The following ARHGAP44 variants were observed in gnomAD, a reference collection of about 807,000 sequenced individuals.
ARHGAP44 encodes the protein Rho GTPase activating protein 44.
ARHGAP44 carries 43 observed loss-of-function variants against 106.8 expected under a neutral mutation model. The observed-to-expected ratio is 0.40, with a 90% confidence interval of 0.32 to 0.52. The LOEUF is 0.52. Ranked by LOEUF, ARHGAP44 falls within the 20% of genes least tolerant of loss-of-function variation. ARHGAP44 has a pLI of 0.48. For missense variants in ARHGAP44, 866 were observed against 1,050.5 expected, an observed-to-expected ratio of 0.82 and a Z score of 2.43; for synonymous variants, 439 against 410.3, an observed-to-expected ratio of 1.07 and a Z score of -0.85.
Position 12,984,785 on chromosome 17 carries a change from C to A in ARHGAP44, c.2194C>A (p.Pro732Thr). 6.2e-7 allele frequency: 1 copy of A among 1,613,994 alleles called. No homozygotes were observed. Residue 732 changes from proline (P) to threonine (T), a missense_variant, in exon 20 of 21, where the codon CCG (proline) becomes ACG (threonine). Physicochemically the swap from Pro to Thr is conservative, Grantham distance 38. Around this residue, in one of 2 missense-constraint regions of ARHGAP44, gnomAD observed 418 missense variants for 403.6 expected, o/e 1.04. Coordinates refer to ENST00000379672, the MANE Select transcript of ARHGAP44 (RefSeq NM_014859.6). ...GAGCAAATCGCGGCCCACTCCTAAG[C>A]CGCGACAGAGACCTACTCTGCCGCC... ...TLSKSRPTPK[P>T]RQRPTLPPPQ...
intron 1 of ARHGAP44, among the ~76,000 whole-genome samples, chr17:12,798,772 C>T (rs2034000893): frequency 6.6e-6 from 1 of 152,074 alleles, no homozygotes; most frequent in East Asian, 1.9e-4. Context: ...CTTTTTGTTC[C>T]TATAGAATGG....
At chr17:12,975,655 G>A (rs2039658612) in intron 18 of ARHGAP44, among the ~76,000 whole-genome samples, 3 of 151,818 alleles carry the variant, frequency 2.0e-5, no homozygotes, top group Admixed American at 6.6e-5. Flanking sequence ...AAAATTAGCT[G>A]GGCGTGGTGG....
chr17:12,923,205 ATTGT>A (rs1466872086), intron 6 of ARHGAP44, among the ~76,000 whole-genome samples: 1 of 151,084 alleles, frequency 6.6e-6, no homozygotes, highest in African/African-American at 2.4e-5. Flanking sequence ...GCTTTGGGGG[ATTGT>A]TTGTTTTTTC....
intron 1 of ARHGAP44, among the ~76,000 whole-genome samples, chr17:12,834,621 T>A (rs1471176092): frequency 6.6e-6 from 1 of 152,202 alleles, no homozygotes; most frequent in Non-Finnish European, 1.5e-5. Flanking sequence ...GGATAAAACA[T>A]AGTTCCGTTA....
At chr17:12,935,292 G>A (rs2038513631) in intron 7 of ARHGAP44, among the ~76,000 whole-genome samples, 1 of 152,148 alleles carries the variant, frequency 6.6e-6, no homozygotes, top group Non-Finnish European at 1.5e-5. Context: ...AGGGCATATG[G>A]GCCGGGTGCG....
intron 1 of ARHGAP44, among the ~76,000 whole-genome samples, chr17:12,815,323 C>T (rs2034567774): frequency 6.6e-6 from 1 of 152,128 alleles, no homozygotes; most frequent in Non-Finnish European, 1.5e-5. Flanking sequence ...CGCACTTATT[C>T]TGTGAGGGAA....
At chr17:12,818,749 T>C (rs956751865) in intron 1 of ARHGAP44, among the ~76,000 whole-genome samples, 4 of 152,060 alleles carry the variant, frequency 2.6e-5, no homozygotes, top group African/African-American at 9.7e-5. Flanking sequence ...TGCCAAAGGC[T>C]ATAAAACACT....
At chr17:12,964,735 C>T (rs905946978) in intron 16 of ARHGAP44, among the ~76,000 whole-genome samples, 1 of 152,108 alleles carries the variant, frequency 6.6e-6, no homozygotes, top group Non-Finnish European at 1.5e-5. Context: ...TGCAGTGAGC[C>T]AAGATCGCAC....
intron 7 of ARHGAP44, chr17:12,929,301 C>T (rs2038333759): frequency 6.3e-6 from 2 of 317,950 alleles, no homozygotes; most frequent in South Asian, 4.8e-5. Flanking sequence ...GAGGAATGAC[C>T]TTTATTTCTG....
intron 1 of ARHGAP44, among the ~76,000 whole-genome samples, chr17:12,817,350 C>T (rs2034628338): frequency 6.6e-6 from 1 of 151,918 alleles, no homozygotes; most frequent in Non-Finnish European, 1.5e-5. Context: ...GCATTGCACG[C>T]CTGTGTCAAT....
chr17:12,839,574 G>A (rs532212577), intron 1 of ARHGAP44, among the ~76,000 whole-genome samples: 3 of 152,220 alleles, frequency 2.0e-5, no homozygotes, highest in Admixed American at 2.0e-4. Flanking sequence ...GGAATTATTT[G>A]TAGATTCTTG....
intron 1 of ARHGAP44, among the ~76,000 whole-genome samples, chr17:12,886,657 T>A (rs768997371): frequency 6.6e-6 from 1 of 152,192 alleles, no homozygotes; most frequent in Non-Finnish European, 1.5e-5. Flanking sequence ...TATGCAATCT[T>A]GCAGAAACCA....
At chr17:12,872,049 T>A (rs1270930084) in intron 1 of ARHGAP44, among the ~76,000 whole-genome samples, 1 of 152,220 alleles carries the variant, frequency 6.6e-6, no homozygotes, top group Non-Finnish European at 1.5e-5. Flanking sequence ...AAGATACCTA[T>A]TCCATATAAA....
chr17:12,906,164 G>A (rs1037354150), intron 3 of ARHGAP44, among the ~76,000 whole-genome samples: 4 of 152,168 alleles, frequency 2.6e-5, no homozygotes, highest in African/African-American at 9.7e-5. Flanking sequence ...TGCCCTCTCT[G>A]TGAGGCTACA....
At chr17:12,926,340 G>A (rs947299058) in intron 6 of ARHGAP44, among the ~76,000 whole-genome samples, 2 of 150,154 alleles carry the variant, frequency 1.3e-5, no homozygotes, top group Non-Finnish European at 3.0e-5. Flanking sequence ...ACTCCAGCCT[G>A]GGTGACAGAG....
rs569973244 is a variant in ARHGAP44 at position 12,859,233 on chromosome 17, G to A, written c.54-35707G>A. On this transcript the variant is annotated intron_variant, in intron 1 of 20. Coordinates refer to ENST00000379672, the MANE Select transcript of ARHGAP44 (RefSeq NM_014859.6). ...GCCAAGGAATGCTTGCAGCCACCAC[G>A]AGCTAGGCGAGAGGCCTGGGACAGA... Among the ~76,000 whole-genome samples the A allele has an allele frequency of 1.2e-3, 179 of 152,288 alleles. 3 individuals carry two copies. The highest frequency in any genetic ancestry group is 3.1e-3 in the African/African-American group (128 of 41,566).
At chr17:12,832,565 G>A (rs578102287) in intron 1 of ARHGAP44, among the ~76,000 whole-genome samples, 1 of 152,224 alleles carries the variant, frequency 6.6e-6, no homozygotes, top group South Asian at 2.1e-4. Flanking sequence ...GGCAAGAAGG[G>A]GCTTTGTTTT....
At chr17:12,793,153 G>A (rs2033815738) in intron 1 of ARHGAP44, among the ~76,000 whole-genome samples, 1 of 152,196 alleles carries the variant, frequency 6.6e-6, no homozygotes, top group South Asian at 2.1e-4. Flanking sequence ...CAAAATGGGA[G>A]TAGTTAAGGA....
intron 1 of ARHGAP44, among the ~76,000 whole-genome samples, chr17:12,866,205 G>C (rs78262643): frequency 6.6e-6 from 1 of 152,134 alleles, no homozygotes; most frequent in Non-Finnish European, 1.5e-5. Context: ...TGATTTTAGG[G>C]GTTGGAAGTT....
Sources: allele counts gnomAD v4.1 joint callset (sites outside exome capture counted in the v4.1 genomes callset), GRCh38; gene constraint gnomAD v4.1.1; regional missense constraint gnomAD v4.1.1; transcripts MANE v1.5; gene names NCBI Gene and HGNC (gene_info 2026-07-23, HGNC 2026-07-21).